Variants in ZNF608 observed in about 807,000 individuals in gnomAD.
ZNF608 encodes renal carcinoma antigen NY-REN-36.
A neutral mutation model predicts 109.0 loss-of-function variants in ZNF608; 12 were observed. That is an observed-to-expected ratio of 0.11 (90% CI 0.07 to 0.18). ZNF608 has a LOEUF of 0.18. Among genes scored for constraint, ZNF608 ranks in the 10% least tolerant of loss-of-function variants. The probability of loss-of-function intolerance (pLI) is 1.00; values close to 1 mark genes in which losing one functional copy is unlikely to be tolerated. For synonymous variants in ZNF608, 732 were observed against 717.4 expected (o/e 1.02, Z -0.33); for missense variants, 1,707 against 1,879.3 (o/e 0.91, Z 1.70).
chr5:124,702,977 G>C (rs929644058), intron 2 of ZNF608, among the ~76,000 whole-genome samples: 1 of 151,742 alleles, frequency 6.6e-6, no homozygotes, highest in Admixed American at 6.6e-5. Context: ...AATTTAAGGG[G>C]GGAAAAAAAA....
intron 3 of ZNF608, among the ~76,000 whole-genome samples, chr5:124,650,740 C>G (rs1750739628): frequency 6.6e-6 from 1 of 152,080 alleles, no homozygotes; most frequent in South Asian, 2.1e-4. Context: ...TTTAACTGAG[C>G]CTTTGTTTTC....
At position 124,683,037 on chromosome 5, in the gene ZNF608, T is replaced by TCC. The variant is rs1554086971; in HGVS notation, c.1162+17975_1162+17976dup. The stretch of plus-strand genomic sequence containing the variant: ...CTGTCTCTCTCTCTCTCTCTCTCTC[T>TCC]CCCCCTCTCTATCTGATCTTGCTGG... On this transcript the variant is annotated intron_variant, in intron 3 of 9. Coordinates refer to ENST00000513986, the MANE Select transcript of ZNF608 (RefSeq NM_020747.3). Among the ~76,000 whole-genome samples, 540 of 141,610 alleles carry TCC rather than the reference T, an allele frequency of 3.8e-3. 3 individuals are homozygous for TCC. Among genetic ancestry groups the TCC allele is most frequent in the Non-Finnish European group, 6.5e-3 (423 of 64,826 alleles). 92.9% of individuals were successfully genotyped at this position (141,610 alleles called of 152,430 possible). A position where few individuals can be genotyped will look rare whatever the true frequency, so the allele number is the denominator to read the frequency against.
rs70991636 is a variant in ZNF608, at chr5:124,683,014, GTCTC to G, written c.1162+17996_1162+17999del. On this transcript the variant is annotated intron_variant, in intron 3 of 9. Coordinates refer to ENST00000513986, the MANE Select transcript of ZNF608 (RefSeq NM_020747.3). Reference sequence around the variant, plus strand: ...CTATGAATTCCATTTTGGGTGCTCTGTCTCTCTCTCTCTCTCTCTCTCTCCCCCT... The same window carrying G: ...CTATGAATTCCATTTTGGGTGCTCTGTCTCTCTCTCTCTCTCTCTCCCCCT... Among the ~76,000 whole-genome samples, 539 of 148,946 alleles carry G rather than the reference GTCTC, an allele frequency of 3.6e-3. 3 individuals are homozygous for G. The highest frequency in any genetic ancestry group is 0.011 in the Middle Eastern group (3 of 284).
intron 3 of ZNF608, among the ~76,000 whole-genome samples, chr5:124,656,956 C>A (rs760095120): frequency 4.3e-4 from 66 of 152,060 alleles, no homozygotes; most frequent in Non-Finnish European, 7.6e-4. Context: ...TGTTCTGAGG[C>A]CTGATGAGCT....
At chr5:124,735,748 A>T (rs1749113567) in intron 2 of ZNF608, among the ~76,000 whole-genome samples, 1 of 152,224 alleles carries the variant, frequency 6.6e-6, no homozygotes, top group Admixed American at 6.5e-5. Context: ...ATGTAAATGG[A>T]GACAATTGAC....
chr5:124,743,952 G>A, intron 2 of ZNF608, 132 bp downstream of exon 2: 2 of 1,300,950 alleles, frequency 1.5e-6, no homozygotes, highest in Non-Finnish European at 2.1e-6. Flanking sequence ...TAATATAAAG[G>A]ATGCATATCA....
chr5:124,700,890 CG>C, intron 3 of ZNF608, 123 bp downstream of exon 3: 1 of 1,302,542 alleles, frequency 7.7e-7, no homozygotes, highest in Non-Finnish European at 1.0e-6. Context: ...ATCCAGAGAG[CG>C]GAAATAAAAA....
chr5:124,746,508 G>GT lies in ZNF608; in HGVS notation c.-498dup, dbSNP rs1008777873. 1.3e-4 allele frequency: 126 copies of GT among 985,092 alleles called. No individual in the cohort carries two copies. The highest frequency in any genetic ancestry group is 1.4e-4 in the Non-Finnish European group (115 of 829,844). The allele number at this position is 985,092 out of a possible 1,614,324, so 61.0% of individuals were successfully genotyped here. On this transcript the variant is annotated 5_prime_UTR_variant, in exon 1 of 10. Transcript: ENST00000513986. ...CTCTTAACAAGCATCGAGAATAATA[G>GT]TTTTTTAAAAAACAGAGAGTTTAGA...
In ZNF608 at chr5:124,700,092, T is replaced by G. The variant is rs553563473; in HGVS notation, c.1162+922A>C. Among the ~76,000 whole-genome samples the G allele has an allele frequency of 5.3e-5, 8 of 152,196 alleles. No individual in the cohort carries two copies. In the South Asian group the frequency reaches 1.7e-3, roughly 32 times the overall value. On this transcript the variant is annotated intron_variant, in intron 3 of 9. Transcript: ENST00000513986. ...ATCTAACTTACAGAGAAAAAAAAGTTCCCCCACCCCTTCATTTTTCTTTGT... is the reference window on the plus strand; with the variant it reads ...ATCTAACTTACAGAGAAAAAAAAGTGCCCCCACCCCTTCATTTTTCTTTGT...
intron 3 of ZNF608, among the ~76,000 whole-genome samples, chr5:124,662,653 G>A (rs976152371): frequency 6.6e-6 from 1 of 152,254 alleles, no homozygotes; most frequent in Non-Finnish European, 1.5e-5. Flanking sequence ...CTGCAGGGCA[G>A]CCGACTTCAA....
At chr5:124,664,576 C>T (rs772514690) in intron 3 of ZNF608, among the ~76,000 whole-genome samples, 14 of 152,106 alleles carry the variant, frequency 9.2e-5, no homozygotes, top group East Asian at 1.9e-4. Flanking sequence ...ATTCATTCCT[C>T]AGAGCCTGTG....
chr5:124,713,756 G>A (rs540633907), intron 2 of ZNF608, among the ~76,000 whole-genome samples: 20 of 152,266 alleles, frequency 1.3e-4, no homozygotes, highest in Non-Finnish European at 2.8e-4. Flanking sequence ...ACTCTTGGAC[G>A]TTAATATCTG....
At chr5:124,678,991 A>G (rs1752078996) in intron 3 of ZNF608, among the ~76,000 whole-genome samples, 1 of 152,208 alleles carries the variant, frequency 6.6e-6, no homozygotes, top group Non-Finnish European at 1.5e-5. Flanking sequence ...AAGGAGCAAG[A>G]AAACAATTCC....
At chr5:124,690,389 G>C (rs1752565744) in intron 3 of ZNF608, among the ~76,000 whole-genome samples, 1 of 152,190 alleles carries the variant, frequency 6.6e-6, no homozygotes, top group African/African-American at 2.4e-5. Context: ...GTGATGGTGT[G>C]TCAATTAGAT....
chr5:124,724,813 T>C (rs1754074816), intron 2 of ZNF608, among the ~76,000 whole-genome samples: 1 of 152,120 alleles, frequency 6.6e-6, no homozygotes, highest in African/African-American at 2.4e-5. Context: ...CCTCAACCAC[T>C]GAGAAATGAG....
rs1424150771 is a variant in ZNF608, at chr5:124,647,345, C to T, written c.3039G>A (p.Gln1013=). ...TATTTCCAGCTGCAGGGGCACCGAC[C>T]TGCCCAGGGTGCATGTAACTTGGAG... ...YYSPSYMHPG[Q]VGAPAAGNSG... Residue 1013 remains glutamine, a synonymous_variant, in exon 5 of 10, where the codon CAG becomes CAA. Transcript: ENST00000513986. 1.4e-5 allele frequency: 22 copies of T among 1,614,064 alleles called. No individual in the cohort carries two copies. The East Asian group carries it at 4.2e-4, about 31-fold the overall frequency.
chr5:124,652,381 G>T (rs1750826924), intron 3 of ZNF608, among the ~76,000 whole-genome samples: 1 of 152,186 alleles, frequency 6.6e-6, no homozygotes, highest in African/African-American at 2.4e-5. Flanking sequence ...TATTTAAAAT[G>T]CTCAAAACAA....
chr5:124,666,438 A>G (rs1161441397), intron 3 of ZNF608: 1 of 152,306 alleles, frequency 6.6e-6, no homozygotes, highest in Non-Finnish European at 1.5e-5. Context: ...CTAAAAGATA[A>G]TTTTCTTTCC....
intron 2 of ZNF608, among the ~76,000 whole-genome samples, chr5:124,739,213 A>G (rs557758351): frequency 5.5e-4 from 84 of 152,324 alleles, no homozygotes; most frequent in African/African-American, 1.9e-3. Context: ...ATTAGCTTCA[A>G]TAAAAGACCT....
Sources: gnomAD v4.1 joint callset for allele counts (sites outside exome capture counted in the v4.1 genomes callset) on GRCh38, gnomAD v4.1.1 for gene constraint, MANE v1.5 for transcripts, NCBI Gene and HGNC (gene_info 2026-07-23, HGNC 2026-07-21) for gene names.